CEP250: variants seen among roughly 807,000 people sequenced by gnomAD.
The protein encoded by CEP250 is centrosome-associated protein CEP250.
CEP250 carries 242 observed loss-of-function variants against 315.7 expected under a neutral mutation model. The observed-to-expected ratio is 0.77, with a 90% CI of 0.69 to 0.85. The LOEUF is 0.85. Among genes scored for constraint, CEP250 ranks in the 40% least tolerant of loss-of-function variants. CEP250 has a pLI of 0.00. For synonymous variants in CEP250, 1,088 were observed against 1,175.0 expected, an observed-to-expected ratio of 0.93 and a Z score of 1.51; for missense variants, 2,515 against 2,886.4, an observed-to-expected ratio of 0.87 and a Z score of 2.95.
At chr20:35,486,917 A>G (rs1423676821) in intron 20 of CEP250, among the ~76,000 whole-genome samples, 2 of 152,232 alleles carry the variant, frequency 1.3e-5, no homozygotes, top group African/African-American at 4.8e-5. Context: ...AAGATGCTAT[A>G]AAACTTCTGA....
chr20:35,477,761 A>G (rs949261535), intron 16 of CEP250, 110 bp from the exon 17 acceptor site: 22 of 862,978 alleles, frequency 2.5e-5, no homozygotes, highest in Non-Finnish European at 3.8e-5. Context: ...TCCTTTGTTC[A>G]TCTTTGGAGA....
At chr20:35,458,946 A>G (rs560376157) in intron 2 of CEP250, among the ~76,000 whole-genome samples, 2 of 123,464 alleles carry the variant, frequency 1.6e-5, no homozygotes, top group South Asian at 5.9e-4. Context: ...TTAGTATGGT[A>G]TATTTGCTAT....
Position 35,480,039 on chromosome 20 carries a change from A to G in CEP250, c.2480A>G (p.Asp827Gly). 6.2e-7 allele frequency: 1 copy of G among 1,613,486 alleles called. No homozygotes were observed. Among genetic ancestry groups the G allele is most frequent in the Non-Finnish European group, 8.5e-7 (1 of 1,180,024 alleles). Residue 827 changes from aspartate (D) to glycine (G), a missense_variant, in exon 20 of 35, where the codon GAT (aspartate) becomes GGT (glycine). Coordinates refer to ENST00000397527, the MANE Select transcript of CEP250 (RefSeq NM_007186.6). ...TERSQAEQER[D>G]AAARQLAQAE... ...CGGAGTCAGGCAGAGCAGGAGCGGG[A>G]TGCTGCAGCCAGACAGCTGGCCCAG... is the stretch of plus-strand genomic sequence containing the variant.
At position 35,503,759 on chromosome 20, in the gene CEP250, A is replaced by G; in HGVS notation, c.5390A>G (p.Lys1797Arg). 1 of 1,614,016 alleles carries G rather than the reference A, an allele frequency of 6.2e-7. No individual in the cohort carries two copies. Among genetic ancestry groups the G allele is most frequent in the African/African-American group, 1.3e-5 (1 of 75,028 alleles). Residue 1797 changes from lysine to arginine, a missense_variant, in exon 30 of 35, where the codon AAG becomes AGG. Physicochemically the swap from Lys to Arg is conservative, Grantham distance 26. Coordinates refer to ENST00000397527, the MANE Select transcript of CEP250 (RefSeq NM_007186.6). The surrounding 1 kb of genome is among the most constrained non-coding windows in gnomAD (Gnocchi z 4.2). ...GAAGCCAGGGAACAAGGGGAGCTGA[A>G]GGAGCAGTCACTTCAGAGTCAACTG... ...LQEAREQGEL[K>R]EQSLQSQLDE...
rs557275277 is a variant in CEP250 at position 35,472,275 on chromosome 20, T to A, written c.1050+124T>A. The A allele has an allele frequency of 4.5e-5, 30 of 667,394 alleles. No individual in the cohort carries two copies. In the African/African-American group the frequency reaches 5.0e-4, roughly 11 times the overall value. The allele number at this position is 667,394 out of a possible 1,614,324, so 41.3% of individuals were successfully genotyped here. Reference sequence around the variant, plus strand: ...TCGGGTGCTTAAAGTCTTGTGGGGATGAGTTTTGTGTGTTTGAAGACCAGA... The same window carrying A: ...TCGGGTGCTTAAAGTCTTGTGGGGAAGAGTTTTGTGTGTTTGAAGACCAGA... On this transcript the variant is annotated intron_variant, in intron 11 of 34. Transcript: ENST00000397527.
chr20:35,508,610 G>A (rs755012586), intron 32 of CEP250, among the ~76,000 whole-genome samples: 1 of 152,176 alleles, frequency 6.6e-6, no homozygotes, highest in Non-Finnish European at 1.5e-5. Context: ...ACCACGCCCA[G>A]CCCTGAAAAT....
intron 20 of CEP250, among the ~76,000 whole-genome samples, chr20:35,489,706 A>C (rs224372): frequency 0.98 from 148,585 of 152,266 alleles, 72,590 homozygotes; most frequent in Middle Eastern, 1. Flanking sequence ...CTAAGACAAG[A>C]AGCACCCCTA....
rs1484689181 is a variant in CEP250, at chr20:35,508,027, T to C, written c.6751-8T>C. ...TGCCCAGGTGAGATTCACAGGTCTT[T>C]CCCACAGGTCTCAGGAGTGGAGGCT... On this transcript the variant is annotated splice_region_variant and splice_polypyrimidine_tract_variant and intron_variant, in intron 31 of 34. Transcript: ENST00000397527. 1.2e-6 allele frequency: 2 copies of C among 1,614,028 alleles called. No homozygotes were observed. The highest frequency in any genetic ancestry group is 1.7e-6 in the Non-Finnish European group (2 of 1,180,026).
chr20:35,462,161 C>A, intron 3 of CEP250, 104 bp from the exon 4 acceptor site: 2 of 449,864 alleles, frequency 4.4e-6, no homozygotes, highest in Non-Finnish European at 8.0e-6. Flanking sequence ...ATCATAGCGC[C>A]CTTCAGAGAT....
At position 35,514,175 on chromosome 20, in the gene CEP250, G is replaced by A. The variant is rs1298497160; in HGVS notation, c.*2549G>A. The A allele has an allele frequency of 2.0e-5, 3 of 152,340 alleles. No individual in the cohort carries two copies. The highest frequency in any genetic ancestry group is 4.4e-5 in the Non-Finnish European group (3 of 68,098). The allele number at this position is 152,340 out of a possible 1,614,324, so 9.4% of individuals were successfully genotyped here. A position where few individuals can be genotyped will look rare whatever the true frequency, so the allele number is the denominator to read the frequency against. The stretch of plus-strand genomic sequence containing the variant: ...GGGACCCAACTTTGCCTAAGGGCAT[G>A]AGGCCGGAGCCTCCTTTCCTGACCT... On this transcript the variant is annotated 3_prime_UTR_variant, in exon 35 of 35. Coordinates refer to ENST00000397527, the MANE Select transcript of CEP250 (RefSeq NM_007186.6).
intron 33 of CEP250, among the ~76,000 whole-genome samples, chr20:35,509,425 C>G (rs2064292601): frequency 6.6e-6 from 1 of 152,178 alleles, no homozygotes; most frequent in South Asian, 2.1e-4. Context: ...ATCTCTTAGA[C>G]CTTTTTACAA....
intron 16 of CEP250, among the ~76,000 whole-genome samples, chr20:35,476,888 A>G (rs2063188520): frequency 6.6e-6 from 1 of 152,140 alleles, no homozygotes; most frequent in South Asian, 2.1e-4. Context: ...TCCCTCTGTC[A>G]CCTAGGCTGG....
Position 35,466,996 on chromosome 20 carries a change from G to A in CEP250, c.523G>A (p.Gly175Ser), listed in dbSNP as rs776545208. ...CAAGGGCTACCTGAAAGGGGAGCAC[G>A]GTCGCCTTCTCAGTCTATGGCGGGA... ...FFKGYLKGEH[G>S]RLLSLWREVV... The change falls in exon 8 of 35, where the codon GGT (glycine) becomes AGT (serine). Residue 175 changes from glycine (G) to serine (S), a missense_variant. Coordinates refer to ENST00000397527, the MANE Select transcript of CEP250 (RefSeq NM_007186.6). The A allele has an allele frequency of 1.2e-5, 19 of 1,613,728 alleles. No individual in the cohort carries two copies. The highest frequency in any genetic ancestry group is 3.3e-5 in the South Asian group (3 of 91,062).
In CEP250 at chr20:35,465,741, A is replaced by G. The variant is rs1189107229; in HGVS notation, c.244-2A>G. Reference sequence around the variant, plus strand: ...AGTAAGGCTTGTCTCTGTCTGGCGCAGGGACCAATCCCCCAGAGGTGGGAA... The same window carrying G: ...AGTAAGGCTTGTCTCTGTCTGGCGCGGGGACCAATCCCCCAGAGGTGGGAA... On this transcript the variant is annotated splice_acceptor_variant, in intron 5 of 34. Transcript: ENST00000397527. LOFTEE classifies it high-confidence loss of function. 1.9e-6 allele frequency: 3 copies of G among 1,595,316 alleles called. No individual in the cohort carries two copies. Among genetic ancestry groups the G allele is most frequent in the Non-Finnish European group, 2.6e-6 (3 of 1,171,614 alleles).
At chr20:35,499,843 C>G (rs1004531600) in intron 27 of CEP250, among the ~76,000 whole-genome samples, 5 of 152,134 alleles carry the variant, frequency 3.3e-5, no homozygotes, top group Non-Finnish European at 7.3e-5. Flanking sequence ...GGGATGGATT[C>G]TCACACTCCA....
intron 22 of CEP250, among the ~76,000 whole-genome samples, chr20:35,491,658 A>G (rs1456431523): frequency 6.6e-6 from 1 of 152,010 alleles, no homozygotes; most frequent in African/African-American, 2.4e-5. Flanking sequence ...ATCCCAGCAC[A>G]TTGGGAGGCT....
intron 4 of CEP250, among the ~76,000 whole-genome samples, chr20:35,463,244 A>G (rs1190443268): frequency 6.6e-6 from 1 of 152,168 alleles, no homozygotes; most frequent in African/African-American, 2.4e-5. Context: ...CTCTACTAAA[A>G]ATACAAAAAT....
At position 35,460,547 on chromosome 20, in the gene CEP250, C is replaced by T. The variant is rs531416191; in HGVS notation, c.-104+442C>T. Among the ~76,000 whole-genome samples, 8 of 152,292 alleles carry T rather than the reference C, an allele frequency of 5.3e-5. No homozygotes were observed. In the East Asian group the frequency reaches 1.2e-3, roughly 22 times the overall value. On this transcript the variant is annotated intron_variant, in intron 3 of 34. Coordinates refer to ENST00000397527, the MANE Select transcript of CEP250 (RefSeq NM_007186.6). The stretch of plus-strand genomic sequence containing the variant: ...ACACGCCCTGTCTAAAGGAGACAGG[C>T]GCTGTTCAACTGCACGGAGCGCGTG...
intron 21 of CEP250, 165 bp from the exon 22 acceptor site, chr20:35,491,047 C>G (rs1307514387): frequency 1.1e-6 from 1 of 889,242 alleles, no homozygotes; most frequent in Non-Finnish European, 1.7e-6. Context: ...CAGTGGTAAT[C>G]TTTGCACTTC....
Sources: allele counts gnomAD v4.1 joint callset (sites outside exome capture counted in the v4.1 genomes callset), GRCh38; gene constraint gnomAD v4.1.1; non-coding constraint Gnocchi (gnomAD v3.1); transcripts MANE v1.5; gene names NCBI Gene and HGNC (gene_info 2026-07-23, HGNC 2026-07-21).